ERCC8: variants seen among roughly 807,000 people sequenced by gnomAD.
The protein encoded by ERCC8 is ERCC excision repair 8, CSA ubiquitin ligase complex subunit.
A neutral mutation model predicts 54.9 loss-of-function variants in ERCC8; 52 were observed. The observed-to-expected ratio is 0.95, with a 90% CI of 0.76 to 1.19. The LOEUF is 1.19. ERCC8 is among the 50% of genes most tolerant of loss of function. ERCC8 has a pLI of 0.00. For missense variants in ERCC8, 514 were observed against 466.1 expected, an observed-to-expected ratio of 1.10 and a Z score of -0.95; for synonymous variants, 146 against 157.2, an observed-to-expected ratio of 0.93 and a Z score of 0.53.
chr5:60,902,641 A>G, intron 6 of ERCC8, 133 bp from the exon 7 acceptor site: 1 of 724,646 alleles, frequency 1.4e-6, no homozygotes, highest in South Asian at 1.5e-5. Flanking sequence ...CATTTTTCAG[A>G]TTTATAATAA....
intron 1 of ERCC8, among the ~76,000 whole-genome samples, chr5:60,941,572 A>C (rs1750258346): frequency 6.6e-6 from 1 of 152,246 alleles, no homozygotes; most frequent in Admixed American, 6.5e-5. Flanking sequence ...AAGTTCAAGA[A>C]GCAGAATGAA....
chr5:60,884,286 T>TAAAACG (rs1748328953), intron 11 of ERCC8, among the ~76,000 whole-genome samples: 1 of 151,756 alleles, frequency 6.6e-6, no homozygotes, highest in African/African-American at 2.4e-5. Context: ...GAGACCATCC[T>TAAAACG]GTGAATTGTG....
In ERCC8 at chr5:60,942,680, A is replaced by C. The variant is rs115861311; in HGVS notation, c.77+2252T>G. Among the ~76,000 whole-genome samples, 658 of 152,314 alleles carry C rather than the reference A, an allele frequency of 4.3e-3. 7 individuals carry two copies. The highest frequency in any genetic ancestry group is 0.015 in the African/African-American group (611 of 41,572). On this transcript the variant is annotated intron_variant, in intron 1 of 11. Transcript: ENST00000676185. The stretch of plus-strand genomic sequence containing the variant: ...GACAGGGATTATAAATGACCGTCAA[A>C]AATTTTTTAGGGTTATGGATGTTCT...
At chr5:60,939,054 A>G (rs549032926) in intron 1 of ERCC8, among the ~76,000 whole-genome samples, 1 of 152,334 alleles carries the variant, frequency 6.6e-6, no homozygotes, top group South Asian at 2.1e-4. Flanking sequence ...TCTTAATGGA[A>G]GAAATCAGCC....
intron 9 of ERCC8, chr5:60,893,213 C>T (rs1488731234): frequency 2.1e-6 from 2 of 959,856 alleles, no homozygotes; most frequent in East Asian, 2.4e-5. Context: ...ATTCTACCAC[C>T]TCACGGACTC....
intron 1 of ERCC8, among the ~76,000 whole-genome samples, chr5:60,931,692 A>C (rs1389377161): frequency 6.6e-6 from 1 of 151,934 alleles, no homozygotes; most frequent in African/African-American, 2.4e-5. Flanking sequence ...TTTTTTTTTC[A>C]TATTTTTCCA....
At chr5:60,896,972 AC>A (rs1748741706) in intron 9 of ERCC8, among the ~76,000 whole-genome samples, 1 of 152,074 alleles carries the variant, frequency 6.6e-6, no homozygotes, top group Non-Finnish European at 1.5e-5. Flanking sequence ...GAAAAGCCTG[AC>A]CCCTTACAAA....
At chr5:60,875,976 T>C (rs1036942934) in intron 11 of ERCC8, among the ~76,000 whole-genome samples, 3 of 152,108 alleles carry the variant, frequency 2.0e-5, no homozygotes, top group Non-Finnish European at 4.4e-5. Flanking sequence ...GCCATGTTGG[T>C]GTGCTGCACC....
In ERCC8 at chr5:60,877,483, A is replaced by G. The variant is rs565234348; in HGVS notation, c.1123-2800T>C. Among the ~76,000 whole-genome samples the G allele has an allele frequency of 2.0e-5, 3 of 152,240 alleles. No individual in the cohort carries two copies. In the East Asian group the frequency reaches 5.8e-4, roughly 29 times the overall value. On this transcript the variant is annotated intron_variant, in intron 11 of 11. Coordinates refer to ENST00000676185, the MANE Select transcript of ERCC8 (RefSeq NM_000082.4). Reference sequence around the variant, plus strand: ...CCTTGGGCAGCATGGCCATTTTCACAATATTGATTCTTCCTACCCATGAGC... The same window carrying G: ...CCTTGGGCAGCATGGCCATTTTCACGATATTGATTCTTCCTACCCATGAGC...
Position 60,876,368 on chromosome 5 carries a change from G to A in ERCC8, c.1123-1685C>T, listed in dbSNP as rs1561492242. Among the ~76,000 whole-genome samples the A allele has an allele frequency of 3.3e-5, 5 of 152,196 alleles. 1 individual carries two copies. In the South Asian group the frequency reaches 8.3e-4, roughly 25 times the overall value. ...TGTGCATGTGTCTTTATAGCAGCAT[G>A]TTTTATAATCCTTTGGGTATATACC... On this transcript the variant is annotated intron_variant, in intron 11 of 11. Coordinates refer to ENST00000676185, the MANE Select transcript of ERCC8 (RefSeq NM_000082.4).
chr5:60,866,494 A>G lies in ERCC8; in HGVS notation c.*8121T>C, dbSNP rs1213819990. ...AGAACTTTATTTCATTTATTCTTAC[A>G]ACTTTGTAAGGTGTATTTTATTCCC... On this transcript the variant is annotated 3_prime_UTR_variant, in exon 12 of 12. Coordinates refer to ENST00000676185, the MANE Select transcript of ERCC8 (RefSeq NM_000082.4). 6.6e-6 allele frequency: 1 copy of G among 152,216 alleles called. No individual in the cohort carries two copies. Among genetic ancestry groups the G allele is most frequent in the African/African-American group, 2.4e-5 (1 of 41,464 alleles). The allele number at this position is 152,216 out of a possible 1,614,324, so 9.4% of individuals were successfully genotyped here.
rs766516991 is a variant in ERCC8 at position 60,899,661 on chromosome 5, T to C, written c.684A>G (p.Gln228=). 2.4e-5 allele frequency: 39 copies of C among 1,612,240 alleles called. 1 individual carries two copies. In the South Asian group the frequency reaches 4.2e-4, roughly 17 times the overall value. The change falls in exon 8 of 12, where the codon CAA becomes CAG. Residue 228 remains glutamine (Q), a synonymous_variant. Coordinates refer to ENST00000676185, the MANE Select transcript of ERCC8 (RefSeq NM_000082.4). Reference sequence around the variant, plus strand: ...CAGCTTGTGACTTTTTCCCATTATGTTGATCAAGAGTAATCAAACATCCTG... The same window carrying C: ...CAGCTTGTGACTTTTTCCCATTATGCTGATCAAGAGTAATCAAACATCCTG... ...RASGCLITLD[Q]HNGKKSQAVE...
At chr5:60,905,467 C>T (rs781326929) in intron 4 of ERCC8, among the ~76,000 whole-genome samples, 3 of 152,186 alleles carry the variant, frequency 2.0e-5, no homozygotes, top group Non-Finnish European at 4.4e-5. Context: ...TCTGCAATTC[C>T]TTTGCTAACA....
At chr5:60,892,508 T>A (rs1312107412) in intron 9 of ERCC8, 2 of 597,414 alleles carry the variant, frequency 3.3e-6, no homozygotes, top group African/African-American at 1.8e-5. Context: ...CCCAGTCAGC[T>A]AGGACAGTTT....
At chr5:60,909,220 T>C (rs974455835) in intron 4 of ERCC8, among the ~76,000 whole-genome samples, 2 of 97,400 alleles carry the variant, frequency 2.1e-5, no homozygotes, top group South Asian at 3.3e-4. Context: ...AAGTTTTAAA[T>C]GCAGACAAAA....
intron 1 of ERCC8, among the ~76,000 whole-genome samples, chr5:60,933,224 T>TC (rs940283062): frequency 2.2e-5 from 3 of 136,900 alleles, no homozygotes; most frequent in African/African-American, 5.4e-5. Flanking sequence ...TTCTTTTTTT[T>TC]TTTTTTTTTT....
chr5:60,905,760 T>C lies in ERCC8; in HGVS notation c.400-887A>G, dbSNP rs569622847. ...ATGGCATTGTAGTAAAGAGTTTAAC[T>C]GATGCAAGGCTGGCCAGGCCAAGTG... On this transcript the variant is annotated intron_variant, in intron 4 of 11. Coordinates refer to ENST00000676185, the MANE Select transcript of ERCC8 (RefSeq NM_000082.4). Among the ~76,000 whole-genome samples the C allele has an allele frequency of 1.6e-4, 25 of 152,352 alleles. No individual in the cohort carries two copies. In the South Asian group the frequency reaches 3.3e-3, roughly 20 times the overall value.
Position 60,918,291 on chromosome 5 carries a change from T to G in ERCC8, c.373A>C (p.Lys125Gln). 1 of 1,599,352 alleles carries G rather than the reference T, an allele frequency of 6.3e-7. No individual in the cohort carries two copies. The highest frequency in any genetic ancestry group is 8.6e-7 in the Non-Finnish European group (1 of 1,167,054). ...FTSSSFDKTL[K>Q]VWDTNTLQTA... ...TGTAATGTATTTGTATCCCATACTT[T>G]CAGAGTTTTATCAAATGAGCTTGAT... The change falls in exon 4 of 12, where the codon AAA becomes CAA. Residue 125 changes from lysine to glutamine, a missense_variant. Physicochemically the swap from Lys to Gln is moderately conservative, Grantham distance 53. Coordinates refer to ENST00000676185, the MANE Select transcript of ERCC8 (RefSeq NM_000082.4).
rs763453717 is a variant in ERCC8 at position 60,902,469 on chromosome 5, C to T, written c.590G>A (p.Arg197His). 1.8e-5 allele frequency: 29 copies of T among 1,612,278 alleles called. No homozygotes were observed. The highest frequency in any genetic ancestry group is 4.0e-5 in the African/African-American group (3 of 74,952). ...QEILAVSWSP[R>H]YDYILATASA... Reference sequence around the variant, plus strand: ...TGCTGTTGCCAAGATATAGTCATAACGTGGAGACCAGGAAACTGCTAATAT... The same window carrying T: ...TGCTGTTGCCAAGATATAGTCATAATGTGGAGACCAGGAAACTGCTAATAT... Residue 197 changes from arginine (R) to histidine (H), a missense_variant, in exon 7 of 12, where the codon CGT becomes CAT. Physicochemically the swap from Arg to His is conservative, Grantham distance 29. Transcript: ENST00000676185.
Sources: gnomAD v4.1 joint callset for allele counts (sites outside exome capture counted in the v4.1 genomes callset) on GRCh38, gnomAD v4.1.1 for gene constraint, MANE v1.5 for transcripts, NCBI Gene and HGNC (gene_info 2026-07-23, HGNC 2026-07-21) for gene names.